MGMT: variants seen among roughly 807,000 people sequenced by gnomAD.
The protein encoded by MGMT is methylated-DNA--protein-cysteine methyltransferase.
In MGMT, 14 loss-of-function variants were observed where a neutral mutation model predicts 15.9. The ratio of observed to expected loss-of-function variants is 0.88; its 90% CI spans 0.58 to 1.37. MGMT has a LOEUF of 1.37. MGMT is among the 40% of genes most tolerant of loss of function. The pLI is 0.00. For missense variants in MGMT, 282 were observed against 268.1 expected, an observed-to-expected ratio of 1.05 and a Z score of -0.36; for synonymous variants, 130 against 118.2, an observed-to-expected ratio of 1.10 and a Z score of -0.65.
chr10:129,763,925 T>TC lies in MGMT; in HGVS notation c.415-2860dup, dbSNP rs1848903317. Among the ~76,000 whole-genome samples the TC allele has an allele frequency of 4.6e-5, 7 of 152,308 alleles. No homozygotes were observed. In the South Asian group the frequency reaches 1.5e-3, roughly 32 times the overall value. On this transcript the variant is annotated intron_variant, in intron 4 of 4. Coordinates refer to ENST00000651593, the MANE Select transcript of MGMT (RefSeq NM_002412.5). ...AGTCAGCCCTCCGCCACCTGCATGT[T>TC]CCCATGTCATAGTCGTCAGAAGCCT...
intron 3 of MGMT, among the ~76,000 whole-genome samples, chr10:129,721,984 G>T (rs1256002439): frequency 6.6e-6 from 1 of 151,798 alleles, no homozygotes; most frequent in Non-Finnish European, 1.5e-5. Context: ...TTAGTAGACT[G>T]GTTTAAAAAG....
intron 2 of MGMT, among the ~76,000 whole-genome samples, chr10:129,704,035 GGCC>G (rs1332398968): frequency 6.6e-6 from 1 of 152,042 alleles, no homozygotes; most frequent in Non-Finnish European, 1.5e-5. Context: ...CCCTCTGTTC[GGCC>G]GCCTTCCCCA....
Position 129,714,033 on chromosome 10 carries a change from G to A in MGMT, c.274+5990G>A, listed in dbSNP as rs374722354. On this transcript the variant is annotated intron_variant, in intron 3 of 4. Coordinates refer to ENST00000651593, the MANE Select transcript of MGMT (RefSeq NM_002412.5). ...CAGAACAAGAATGTCAGATAATCCA[G>A]AATGCTGTTGAGAGCTGCTCCAGGT... Among the ~76,000 whole-genome samples, 12 of 152,358 alleles carry A rather than the reference G, an allele frequency of 7.9e-5. No individual in the cohort carries two copies. In the East Asian group the frequency reaches 1.7e-3, roughly 22 times the overall value.
intron 3 of MGMT, among the ~76,000 whole-genome samples, chr10:129,731,949 C>T (rs985166974): frequency 3.3e-5 from 5 of 152,210 alleles, no homozygotes; most frequent in African/African-American, 1.2e-4. Context: ...TCTTTTGTCA[C>T]CTGTAAGAGA....
intron 3 of MGMT, among the ~76,000 whole-genome samples, chr10:129,710,344 T>G (rs1400152217): frequency 1.3e-5 from 2 of 152,186 alleles, no homozygotes; most frequent in Non-Finnish European, 2.9e-5. Flanking sequence ...GCTCACATCC[T>G]TCTCTCTTGG....
At chr10:129,486,180 T>C (rs1290204736) in intron 1 of MGMT, among the ~76,000 whole-genome samples, 17 of 78,664 alleles carry the variant, frequency 2.2e-4, no homozygotes, top group East Asian at 2.1e-4. Flanking sequence ...CTCTTCTCTT[T>C]TTTTTTTTTT....
At chr10:129,598,795 C>G (rs2133059512) in intron 2 of MGMT, among the ~76,000 whole-genome samples, 1 of 152,230 alleles carries the variant, frequency 6.6e-6, no homozygotes, top group African/African-American at 2.4e-5. Flanking sequence ...TTGCCCACAC[C>G]CCCTCCTGGG....
intron 3 of MGMT, among the ~76,000 whole-genome samples, chr10:129,737,567 C>T (rs554507932): frequency 3.3e-5 from 5 of 152,244 alleles, no homozygotes; most frequent in African/African-American, 9.6e-5. Context: ...CAAAGTCATT[C>T]TCCATCCAGC....
chr10:129,608,386 G>A (rs567693795), intron 2 of MGMT, among the ~76,000 whole-genome samples: 158 of 152,222 alleles, frequency 1.0e-3, no homozygotes, highest in Non-Finnish European at 1.5e-3. Flanking sequence ...GCGTCGGTGG[G>A]GCCAGATTTC....
intron 1 of MGMT, among the ~76,000 whole-genome samples, chr10:129,508,460 T>C (rs1438622302): frequency 6.6e-6 from 1 of 152,154 alleles, no homozygotes; most frequent in Non-Finnish European, 1.5e-5. Context: ...AGGTGGAGTA[T>C]ATCGAGGTAA....
chr10:129,614,035 A>G (rs1846992473), intron 2 of MGMT, among the ~76,000 whole-genome samples: 1 of 152,136 alleles, frequency 6.6e-6, no homozygotes, highest in Non-Finnish European at 1.5e-5. Context: ...TGCAGCCATC[A>G]CCACCACCCA....
rs376504452 is a variant in MGMT at position 129,518,280 on chromosome 10, T to A, written c.-12-17961T>A. ...TAATTCACGAAATATGTGAAAAAAC[T>A]TTATAAATCTTAAAGATGAGAAAAT... On this transcript the variant is annotated intron_variant, in intron 1 of 4. Transcript: ENST00000651593. Among the ~76,000 whole-genome samples, 6 of 151,452 alleles carry A rather than the reference T, an allele frequency of 4.0e-5. No homozygotes were observed. The East Asian group carries it at 1.2e-3, about 30-fold the overall frequency.
At chr10:129,492,530 T>C (rs1310949526) in intron 1 of MGMT, among the ~76,000 whole-genome samples, 1 of 152,194 alleles carries the variant, frequency 6.6e-6, no homozygotes, top group Non-Finnish European at 1.5e-5. Flanking sequence ...CGCAGCCCCA[T>C]AGGATAGCAA....
chr10:129,724,333 C>G (rs1166665306), intron 3 of MGMT, among the ~76,000 whole-genome samples: 2 of 152,044 alleles, frequency 1.3e-5, no homozygotes, highest in Non-Finnish European at 2.9e-5. Context: ...TCTGCAGTTG[C>G]CAAAAACAAT....
intron 3 of MGMT, among the ~76,000 whole-genome samples, chr10:129,747,135 C>T (rs949750965): frequency 3.3e-5 from 5 of 152,100 alleles, no homozygotes; most frequent in African/African-American, 1.2e-4. Flanking sequence ...ATTTAGTAAC[C>T]TTGTATCTAG....
chr10:129,531,747 T>C (rs1386039045), intron 1 of MGMT, among the ~76,000 whole-genome samples: 1 of 121,418 alleles, frequency 8.2e-6, no homozygotes, highest in African/African-American at 3.2e-5. Context: ...TCTGTGGGCC[T>C]TTGTGGGAGG....
chr10:129,679,533 A>G (rs1186531779), intron 2 of MGMT, among the ~76,000 whole-genome samples: 12 of 152,190 alleles, frequency 7.9e-5, no homozygotes. Context: ...GTAATTAAGA[A>G]TATTAGTACA....
At chr10:129,722,153 C>A (rs1848379589) in intron 3 of MGMT, among the ~76,000 whole-genome samples, 2 of 151,896 alleles carry the variant, frequency 1.3e-5, no homozygotes, top group East Asian at 1.9e-4. Flanking sequence ...CATAGAATAT[C>A]TTGAATAATG....
chr10:129,760,180 CCATCTGG>C (rs1848855934), intron 4 of MGMT, among the ~76,000 whole-genome samples: 1 of 152,204 alleles, frequency 6.6e-6, no homozygotes, highest in African/African-American at 2.4e-5. Flanking sequence ...GGGCCGCGGG[CCATCTGG>C]CATCTGGCAT....
Sources: gnomAD v4.1 joint callset for allele counts (sites outside exome capture counted in the v4.1 genomes callset) on GRCh38, gnomAD v4.1.1 for gene constraint, MANE v1.5 for transcripts, NCBI Gene and HGNC (gene_info 2026-07-23, HGNC 2026-07-21) for gene names.